Variants in SEMA4A observed in about 807,000 individuals in gnomAD.
SEMA4A encodes the protein semaphorin 4A, also known as semaphorin-4A.
Under a neutral mutation model 72.5 loss-of-function variants are expected in SEMA4A, and 52 were observed. The observed-to-expected ratio is 0.72, with a 90% CI of 0.57 to 0.90. SEMA4A has a LOEUF of 0.90. Among genes scored for constraint, SEMA4A ranks in the 40% least tolerant of loss-of-function variants. The pLI is 0.00. For synonymous variants in SEMA4A, 369 were observed against 393.1 expected, an observed-to-expected ratio of 0.94 and a Z score of 0.73; for missense variants, 926 against 959.7, an observed-to-expected ratio of 0.96 and a Z score of 0.46.
At chr1:156,172,635 C>T (rs1654911116) in intron 10 of SEMA4A, among the ~76,000 whole-genome samples, 191 bp from the exon 11 acceptor site, 1 of 152,242 alleles carries the variant, frequency 6.6e-6, no homozygotes, top group African/African-American at 2.4e-5. Context: ...GCCCACTTCA[C>T]AGCTGAGAAA....
At chr1:156,149,941 C>T (rs531766194), upstream of SEMA4A, 2 of 152,138 alleles carry the variant, frequency 1.3e-5, no homozygotes, top group South Asian at 4.1e-4. Flanking sequence ...GTCCCTCCCA[C>T]TTAGAGATGC....
At chr1:156,173,315 G>A (rs1654984884) in intron 11 of SEMA4A, among the ~76,000 whole-genome samples, 2 of 152,200 alleles carry the variant, frequency 1.3e-5, no homozygotes, top group Admixed American at 6.5e-5. Flanking sequence ...GTGGAGGGGA[G>A]CTGGAAACCG....
At position 156,158,811 on chromosome 1, in the gene SEMA4A, G is replaced by A. The variant is rs201100942; in HGVS notation, c.555G>A (p.Thr185=). 75 of 1,613,594 alleles carry A rather than the reference G, an allele frequency of 4.6e-5. No homozygotes were observed. The highest frequency in any genetic ancestry group is 6.7e-5 in the Admixed American group (4 of 60,000). ...CCTTTGACCCCGCTCACAAGCATAC[G>A]GCTGTCTTGGTGGGTGAGTATCAGG... ...QSPFDPAHKH[T]AVLVDGMLYS... is the part of the protein sequence containing the mutation. The change falls in exon 6 of 15, where the codon ACG becomes ACA. Residue 185 remains threonine (T), a synonymous_variant. Transcript: ENST00000368285.
chr1:156,173,044 G>A lies in SEMA4A; in HGVS notation c.1315+38G>A, dbSNP rs762235261. On this transcript the variant is annotated intron_variant, in intron 11 of 14. Coordinates refer to ENST00000368285, the MANE Select transcript of SEMA4A (RefSeq NM_022367.4). ...TTCCGGGACATCCCCCAGAGGACTA[G>A]AGCAGAGGATGCCCCCAGGTTGAGG... 4.4e-6 allele frequency: 7 copies of A among 1,599,124 alleles called. No homozygotes were observed. The South Asian group carries it at 6.7e-5, about 15-fold the overall frequency.
intron 2 of SEMA4A, 144 bp downstream of exon 2, chr1:156,154,861 CT>C: frequency 9.6e-7 from 1 of 1,042,910 alleles, no homozygotes; most frequent in South Asian, 1.6e-5. Flanking sequence ...AACAGAGGAT[CT>C]CGGAGAAAGA....
At chr1:156,147,997 C>A (rs1224875525), upstream of SEMA4A, among the ~76,000 whole-genome samples, 1 of 152,222 alleles carries the variant, frequency 6.6e-6, no homozygotes, top group Non-Finnish European at 1.5e-5. Context: ...AGTTTTGATT[C>A]TCATATGGCA....
Position 156,156,508 on chromosome 1 carries a change from G to A in SEMA4A, c.234G>A (p.Val78=), listed in dbSNP as rs753217222. ...LLSGDGNTLY[V]GAREAILALD... ...GTGGTGATGGAAATACTCTCTACGT[G>A]GGGGCTCGAGAAGCCATTCTGGCCT... Residue 78 remains valine (V), a synonymous_variant, in exon 3 of 15, where the codon GTG becomes GTA. Coordinates refer to ENST00000368285, the MANE Select transcript of SEMA4A (RefSeq NM_022367.4). 3.7e-6 allele frequency: 6 copies of A among 1,613,948 alleles called. No homozygotes were observed. The Admixed American group carries it at 8.3e-5, about 22-fold the overall frequency.
At position 156,176,729 on chromosome 1, in the gene SEMA4A, C is replaced by A; in HGVS notation, c.2018C>A (p.Ala673Asp). 1.2e-6 allele frequency: 2 copies of A among 1,613,208 alleles called. No individual in the cohort carries two copies. Among genetic ancestry groups the A allele is most frequent in the Non-Finnish European group, 1.7e-6 (2 of 1,179,232 alleles). Reference protein sequence around the residue: ...VPLTRVSGGAALAAQQSYWPH... With the variant: ...VPLTRVSGGADLAAQQSYWPH... ...TTGACCAGGGTCAGTGGTGGGGCCGCCCTGGCTGCCCAGCAGTCCTACTGG... is the reference window on the plus strand; with the variant it reads ...TTGACCAGGGTCAGTGGTGGGGCCGACCTGGCTGCCCAGCAGTCCTACTGG... The change falls in exon 15 of 15, where the codon GCC (alanine) becomes GAC (aspartate). Residue 673 changes from alanine (A) to aspartate (D), a missense_variant. By Grantham distance (126) the Ala-to-Asp change is moderately radical (BLOSUM62 -2). Transcript: ENST00000368285.
intron 10 of SEMA4A, among the ~76,000 whole-genome samples, chr1:156,167,155 G>C (rs1176345828): frequency 6.6e-6 from 1 of 151,640 alleles, no homozygotes; most frequent in Non-Finnish European, 1.5e-5. Flanking sequence ...TGGGATTACA[G>C]GTGTAAGCCA....
At position 156,157,412 on chromosome 1, in the gene SEMA4A, G is replaced by A. The variant is rs910513273; in HGVS notation, c.301-658G>A. Among the ~76,000 whole-genome samples, 5 of 152,140 alleles carry A rather than the reference G, an allele frequency of 3.3e-5. No individual in the cohort carries two copies. The highest frequency in any genetic ancestry group is 1.3e-4 in the Admixed American group (2 of 15,274). On this transcript the variant is annotated intron_variant, in intron 3 of 14. Transcript: ENST00000368285. The surrounding 1 kb of genome is among the most constrained non-coding windows in gnomAD (Gnocchi z 4.5). The stretch of plus-strand genomic sequence containing the variant: ...TTGGTCAGCCTGGTCTCGAACTCCC[G>A]ACCTCAGGTGATCCATCCGCCTCAG...
In SEMA4A at chr1:156,156,422, C is replaced by A; in HGVS notation, c.148C>A (p.Arg50Ser). ...PRVRYYAGDE[R>S]RALSFFHQKG... Reference sequence around the variant, plus strand: ...TCTTACTCCTCCAACAGGGGATGAACGTAGGGCACTTAGCTTCTTCCACCA... The same window carrying A: ...TCTTACTCCTCCAACAGGGGATGAAAGTAGGGCACTTAGCTTCTTCCACCA... Residue 50 changes from arginine (R) to serine (S), a missense_variant, in exon 3 of 15, where the codon CGT becomes AGT. Arg to Ser is a moderately radical substitution (Grantham distance 110). Coordinates refer to ENST00000368285, the MANE Select transcript of SEMA4A (RefSeq NM_022367.4). 1.2e-6 allele frequency: 2 copies of A among 1,614,056 alleles called. No homozygotes were observed. The highest frequency in any genetic ancestry group is 2.2e-5 in the South Asian group (2 of 91,082).
chr1:156,173,647 G>A (rs1655022977), intron 11 of SEMA4A, among the ~76,000 whole-genome samples: 1 of 152,160 alleles, frequency 6.6e-6, no homozygotes, highest in Non-Finnish European at 1.5e-5. Flanking sequence ...GAGTGAAGCT[G>A]TAGCAGCGGG....
At chr1:156,158,674 G>A (rs781381750) in intron 5 of SEMA4A, 45 bp from the exon 6 acceptor site, 1 of 1,499,674 alleles carries the variant, frequency 6.7e-7, no homozygotes, top group South Asian at 1.1e-5. Context: ...TTTCCCAGAT[G>A]TGAGACCTTG....
intron 1 of SEMA4A, among the ~76,000 whole-genome samples, chr1:156,153,966 A>AG (rs1223237254): frequency 5.9e-5 from 9 of 152,178 alleles, no homozygotes; most frequent in African/African-American, 1.9e-4. Flanking sequence ...TGGAAGTATC[A>AG]GGCCAGGCAG....
intron 13 of SEMA4A, 88 bp downstream of exon 13, chr1:156,175,331 G>A: frequency 1.4e-6 from 2 of 1,454,330 alleles, no homozygotes; most frequent in Non-Finnish European, 1.9e-6. Flanking sequence ...CTCTCCAGGG[G>A]CTACTGACAT....
chr1:156,158,962 A>C (rs941645155), intron 6 of SEMA4A, 138 bp downstream of exon 6: 62 of 753,478 alleles, frequency 8.2e-5, no homozygotes, highest in Middle Eastern at 2.5e-4. Flanking sequence ...AGTTATTTGG[A>C]AGCTGAAGTT....
At chr1:156,152,050 C>G (rs983791991), upstream of SEMA4A, among the ~76,000 whole-genome samples, 3 of 151,910 alleles carry the variant, frequency 2.0e-5, no homozygotes, top group African/African-American at 7.3e-5. Flanking sequence ...GACTAGGACT[C>G]TGTAGAGTCT....
rs772263869 is a variant in SEMA4A at position 156,157,685 on chromosome 1, T to C, written c.301-385T>C. ...ACCCAGGAACCAACTTGTTAAACAATTTCCCCAGGAAATGTGCGGTTTGAC... is the reference window on the plus strand; with the variant it reads ...ACCCAGGAACCAACTTGTTAAACAACTTCCCCAGGAAATGTGCGGTTTGAC... On this transcript the variant is annotated intron_variant, in intron 3 of 14. Coordinates refer to ENST00000368285, the MANE Select transcript of SEMA4A (RefSeq NM_022367.4). This position sits in a 1 kb window ranked among gnomAD's most constrained non-coding sequence, Gnocchi z 4.5. Among the ~76,000 whole-genome samples the C allele has an allele frequency of 6.6e-6, 1 of 152,200 alleles. No homozygotes were observed. Among genetic ancestry groups the C allele is most frequent in the Non-Finnish European group, 1.5e-5 (1 of 68,024 alleles).
intron 10 of SEMA4A, among the ~76,000 whole-genome samples, chr1:156,172,418 A>C (rs1654891934): frequency 6.6e-6 from 1 of 152,110 alleles, no homozygotes; most frequent in East Asian, 1.9e-4. Flanking sequence ...GCCCAGCCAT[A>C]AAACTTGGTA....
Sources: gnomAD v4.1 joint callset for allele counts (sites outside exome capture counted in the v4.1 genomes callset) on GRCh38, gnomAD v4.1.1 for gene constraint, Gnocchi (gnomAD v3.1) non-coding constraint, MANE v1.5 for transcripts, NCBI Gene and HGNC (gene_info 2026-07-23, HGNC 2026-07-21) for gene names.